Variants in NUP205 observed in about 807,000 individuals in gnomAD.
NUP205 encodes nucleoporin 205.
NUP205 carries 76 observed loss-of-function variants against 253.8 expected under a neutral mutation model. The observed-to-expected ratio is 0.30, with a 90% confidence interval of 0.25 to 0.36. NUP205 has a LOEUF of 0.36. Among genes scored for constraint, NUP205 ranks in the 10% least tolerant of loss-of-function variants. The pLI is 1.00. For missense variants in NUP205, 2,162 were observed against 2,425.5 expected, an observed-to-expected ratio of 0.89 and a Z score of 2.28; for synonymous variants, 832 against 850.1, an observed-to-expected ratio of 0.98 and a Z score of 0.37.
intron 4 of NUP205, among the ~76,000 whole-genome samples, 157 bp from the exon 5 acceptor site, chr7:135,576,812 G>T (rs138036067): frequency 1.3e-5 from 2 of 152,116 alleles, no homozygotes; most frequent in Non-Finnish European, 2.9e-5. Flanking sequence ...AGCCTGGGAC[G>T]TCAAGGCTGC....
At chr7:135,574,007 C>G (rs1806078410) in intron 3 of NUP205, among the ~76,000 whole-genome samples, 182 bp downstream of exon 3, 2 of 151,946 alleles carry the variant, frequency 1.3e-5, no homozygotes, top group South Asian at 2.1e-4. Context: ...GAGTCTCGCT[C>G]TGTTGCCCAG....
chr7:135,587,841 C>T lies in NUP205; in HGVS notation c.1336-14C>T. 1.2e-6 allele frequency: 2 copies of T among 1,606,594 alleles called. No homozygotes were observed. The highest frequency in any genetic ancestry group is 4.5e-5 in the East Asian group (2 of 44,784). On this transcript the variant is annotated splice_polypyrimidine_tract_variant and intron_variant, in intron 9 of 42. Transcript: ENST00000285968. ...CATAGACATTTCCCTACAGTCTTTG[C>T]TTACTCTTTGCAGATTGGCGAGCTA... is the stretch of plus-strand genomic sequence containing the variant.
At position 135,606,840 on chromosome 7, in the gene NUP205, C is replaced by T; in HGVS notation, c.2995C>T (p.Pro999Ser). 6.2e-7 allele frequency: 1 copy of T among 1,613,706 alleles called. No individual in the cohort carries two copies. Among genetic ancestry groups the T allele is most frequent in the Non-Finnish European group, 8.5e-7 (1 of 1,179,650 alleles). The change falls in exon 21 of 43, where the codon CCA becomes TCA. Residue 999 changes from proline to serine, a missense_variant. Physicochemically the swap from Pro to Ser is moderately conservative, Grantham distance 74. Coordinates refer to ENST00000285968, the MANE Select transcript of NUP205 (RefSeq NM_015135.3). ...NLLITSLECN[P>S]PNLALYLLGF... ...TCTCATTACCTCTCTGGAATGCAAT[C>T]CACCCAATCTTGCTCTCTACCTGTT...
chr7:135,625,068 C>T, intron 31 of NUP205, 96 bp from the exon 32 acceptor site: 3 of 932,390 alleles, frequency 3.2e-6, no homozygotes, highest in South Asian at 1.7e-5. Flanking sequence ...GAAAAACATT[C>T]TTCATATTTC....
chr7:135,586,625 C>A (rs887689976), intron 8 of NUP205, among the ~76,000 whole-genome samples: 2 of 152,040 alleles, frequency 1.3e-5, no homozygotes, highest in African/African-American at 4.8e-5. Context: ...GTTGCATTTT[C>A]TTTTTTGTTC....
chr7:135,591,391 C>T (rs1037248874), intron 10 of NUP205, 59 bp from the exon 11 acceptor site: 50 of 1,445,318 alleles, frequency 3.5e-5, no homozygotes, highest in Middle Eastern at 1.7e-4. Context: ...TTAGCTAGTC[C>T]GTGTTGCCTT....
intron 7 of NUP205, among the ~76,000 whole-genome samples, chr7:135,582,172 C>T (rs1806324716): frequency 6.6e-6 from 1 of 152,016 alleles, no homozygotes; most frequent in South Asian, 2.1e-4. Flanking sequence ...TGTCATCCTA[C>T]CTTCTCAGGA....
chr7:135,571,612 G>A (rs1167864491), intron 2 of NUP205, among the ~76,000 whole-genome samples: 1 of 152,000 alleles, frequency 6.6e-6, no homozygotes, highest in Non-Finnish European at 1.5e-5. Flanking sequence ...TATTTATGAG[G>A]TACGTGAGAT....
At chr7:135,608,461 C>T (rs1173373712) in intron 22 of NUP205, among the ~76,000 whole-genome samples, 1 of 152,118 alleles carries the variant, frequency 6.6e-6, no homozygotes, top group African/African-American at 2.4e-5. Flanking sequence ...AACCCCAGCA[C>T]TTTGGGAGGC....
intron 36 of NUP205, among the ~76,000 whole-genome samples, chr7:135,637,198 T>G (rs1794826175): frequency 6.6e-6 from 1 of 152,376 alleles, no homozygotes; most frequent in South Asian, 2.1e-4. Context: ...GACAGCCATC[T>G]TATAAGATAG....
intron 1 of NUP205, among the ~76,000 whole-genome samples, chr7:135,565,202 C>T (rs1438135187): frequency 6.6e-6 from 1 of 152,018 alleles, no homozygotes; most frequent in Non-Finnish European, 1.5e-5. Context: ...TTCAGAGGTC[C>T]TACTGTATAT....
At chr7:135,618,037 C>T (rs12536760) in intron 27 of NUP205, among the ~76,000 whole-genome samples, 11,950 of 151,380 alleles carry the variant, frequency 0.079, 618 homozygotes, top group South Asian at 0.17. Flanking sequence ...GAGATACAGC[C>T]GGCCAGGCCA....
intron 38 of NUP205, among the ~76,000 whole-genome samples, chr7:135,641,658 G>A (rs1028995553): frequency 7.9e-6 from 1 of 126,666 alleles, no homozygotes; most frequent in African/African-American, 2.9e-5. Flanking sequence ...TTTAATCCTA[G>A]CTACTTGGGA....
At chr7:135,644,416 A>C (rs767346909) in intron 39 of NUP205, among the ~76,000 whole-genome samples, 5 of 152,224 alleles carry the variant, frequency 3.3e-5, no homozygotes, top group African/African-American at 7.2e-5. Flanking sequence ...GCATCAGAAC[A>C]TTAGCTGGAA....
chr7:135,584,547 TC>T (rs1806404239), intron 7 of NUP205, among the ~76,000 whole-genome samples: 1 of 152,220 alleles, frequency 6.6e-6, no homozygotes, highest in African/African-American at 2.4e-5. Context: ...CCTGACTACA[TC>T]AGTGTTGCAT....
intron 35 of NUP205, among the ~76,000 whole-genome samples, chr7:135,632,833 G>A (rs1046659356): frequency 1.3e-5 from 2 of 152,102 alleles, no homozygotes; most frequent in Admixed American, 1.3e-4. Context: ...ATGTACTTCT[G>A]TAAATTGCAG....
intron 7 of NUP205, among the ~76,000 whole-genome samples, chr7:135,580,420 A>T (rs1412476258): frequency 3.9e-5 from 6 of 152,200 alleles, no homozygotes; most frequent in African/African-American, 1.2e-4. Context: ...CTTTTCTGAC[A>T]TAAAGTTACC....
At chr7:135,566,183 A>T (rs1454829195) in intron 1 of NUP205, among the ~76,000 whole-genome samples, 1 of 150,884 alleles carries the variant, frequency 6.6e-6, no homozygotes, top group Non-Finnish European at 1.5e-5. Context: ...ATCTCGGCTC[A>T]CTGCAACCTC....
rs757513504 is a variant in NUP205, at chr7:135,602,785, A to T, written c.2513-20A>T. The T allele has an allele frequency of 2.4e-5, 38 of 1,584,070 alleles. No individual in the cohort carries two copies. Among genetic ancestry groups the T allele is most frequent in the Middle Eastern group, 1.7e-4 (1 of 6,030 alleles). On this transcript the variant is annotated intron_variant, in intron 17 of 42. Transcript: ENST00000285968. ...TTTAAGATAAATTTAGAACTTTCTA[A>T]CTTTATTTTTGGTTGATAGGGAAAA...
Sources: gnomAD v4.1 joint callset for allele counts (sites outside exome capture counted in the v4.1 genomes callset) on GRCh38, gnomAD v4.1.1 for gene constraint, MANE v1.5 for transcripts, NCBI Gene and HGNC (gene_info 2026-07-23, HGNC 2026-07-21) for gene names.